Variants in FAF2 observed in about 807,000 individuals in gnomAD.
FAF2 encodes the protein FAS-associated factor 2.
Under a neutral mutation model 62.3 loss-of-function variants are expected in FAF2, and 9 were observed. That is an observed-to-expected ratio of 0.14 (90% CI 0.09 to 0.25). The LOEUF (loss-of-function observed/expected upper bound fraction) is 0.25, where lower values mean the gene tolerates loss of function less well. Ranked by LOEUF, FAF2 falls within the 10% of genes least tolerant of loss-of-function variation. The pLI, the probability that FAF2 is intolerant of heterozygous loss-of-function variation, is 1.00. For missense variants in FAF2, 368 were observed against 556.2 expected (o/e 0.66, Z 3.40); for synonymous variants, 202 against 198.0 (o/e 1.02, Z -0.17).
intron 1 of FAF2, among the ~76,000 whole-genome samples, chr5:176,471,302 A>G (rs571418966): frequency 9.2e-5 from 14 of 151,604 alleles, no homozygotes; most frequent in African/African-American, 3.4e-4. Flanking sequence ...GCATATGATC[A>G]TGTCACATGT....
chr5:176,494,388 G>A lies in FAF2; in HGVS notation c.661+113G>A, dbSNP rs553596428. 143 of 843,004 alleles carry A rather than the reference G, an allele frequency of 1.7e-4. 2 individuals are homozygous for A. Among genetic ancestry groups the A allele is most frequent in the South Asian group, 9.0e-4 (63 of 69,686 alleles). 52.2% of individuals were successfully genotyped at this position (843,004 alleles called of 1,614,324 possible). ...GTGTTTGTTCTGTGGTAGATACGACGCTAGTTGCTATTTTATATTGTCTCA... is the reference window on the plus strand; with the variant it reads ...GTGTTTGTTCTGTGGTAGATACGACACTAGTTGCTATTTTATATTGTCTCA... On this transcript the variant is annotated intron_variant, in intron 7 of 10. Coordinates refer to ENST00000261942, the MANE Select transcript of FAF2 (RefSeq NM_014613.3). The surrounding 1 kb of genome is among the most constrained non-coding windows in gnomAD (Gnocchi z 4.0).
chr5:176,494,127 T>G lies in FAF2; in HGVS notation c.569+43T>G, dbSNP rs774134227. On this transcript the variant is annotated intron_variant, in intron 6 of 10. Transcript: ENST00000261942. This position sits in a 1 kb window ranked among gnomAD's most constrained non-coding sequence, Gnocchi z 4.0. ...TTTCCTTCTCTTTTCTGACTCTTTC[T>G]GGTGACAGTTTATAGTCAGCAAGTT... 62 of 1,608,828 alleles carry G rather than the reference T, an allele frequency of 3.9e-5. No individual in the cohort carries two copies. The East Asian group carries it at 1.4e-3, about 36-fold the overall frequency.
chr5:176,460,807 C>G (rs1758365381), intron 1 of FAF2, among the ~76,000 whole-genome samples: 1 of 151,876 alleles, frequency 6.6e-6, no homozygotes, highest in Non-Finnish European at 1.5e-5. Context: ...AAAAGATTCA[C>G]CAGGCATGGC....
At chr5:176,469,035 A>G (rs1758516961) in intron 1 of FAF2, among the ~76,000 whole-genome samples, 1 of 152,134 alleles carries the variant, frequency 6.6e-6, no homozygotes. Context: ...ACCTGAGGTC[A>G]GGAGTTCGAG....
At chr5:176,482,786 G>A (rs1364511760) in intron 2 of FAF2, among the ~76,000 whole-genome samples, 2 of 152,170 alleles carry the variant, frequency 1.3e-5, no homozygotes, top group Non-Finnish European at 2.9e-5. Context: ...AAAGTGTTGG[G>A]ATTCCAGACG....
chr5:176,491,532 G>A (rs1758970137), intron 4 of FAF2, among the ~76,000 whole-genome samples: 1 of 152,192 alleles, frequency 6.6e-6, no homozygotes, highest in African/African-American at 2.4e-5. Flanking sequence ...CTATCCGTAA[G>A]TTGAATAGTT....
chr5:176,496,672 G>GC lies in FAF2; in HGVS notation c.839+9_839+10insC. On this transcript the variant is annotated intron_variant, in intron 8 of 10. Transcript: ENST00000261942. ...TCAGAACGCCTAGAAAGGTACAAGG[G>GC]AGTTCCCTTCTGGAACAGAGAGAGA... 6.5e-7 allele frequency: 1 copy of GC among 1,533,592 alleles called. No individual in the cohort carries two copies. Among genetic ancestry groups the GC allele is most frequent in the Non-Finnish European group, 8.8e-7 (1 of 1,139,916 alleles). The allele number at this position is 1,533,592 out of a possible 1,614,324, so 95.0% of individuals were successfully genotyped here. A position where few individuals can be genotyped will look rare whatever the true frequency, so the allele number is the denominator to read the frequency against.
chr5:176,476,953 G>A (rs1054252218), intron 1 of FAF2, among the ~76,000 whole-genome samples: 2 of 151,554 alleles, frequency 1.3e-5, no homozygotes, highest in African/African-American at 4.8e-5. Flanking sequence ...GGGACTACAG[G>A]CGCCCACCAC....
In FAF2 at chr5:176,484,332, G is replaced by A. The variant is rs78165306; in HGVS notation, c.133-2023G>A. Among the ~76,000 whole-genome samples, 12 of 152,270 alleles carry A rather than the reference G, an allele frequency of 7.9e-5. No homozygotes were observed. In the East Asian group the frequency reaches 2.3e-3, roughly 29 times the overall value. On this transcript the variant is annotated intron_variant, in intron 2 of 10. Coordinates refer to ENST00000261942, the MANE Select transcript of FAF2 (RefSeq NM_014613.3). ...ATTCATAAGTTTTAAAATGCATGCT[G>A]TTCTGAGAAACATGATGAAATCTCA...
chr5:176,474,689 C>A (rs1401387472), intron 1 of FAF2, among the ~76,000 whole-genome samples: 1 of 152,222 alleles, frequency 6.6e-6, no homozygotes, highest in Non-Finnish European at 1.5e-5. Context: ...GGCCCCTTAT[C>A]TTTCATTCAG....
chr5:176,466,018 C>T (rs1293230599), intron 1 of FAF2, among the ~76,000 whole-genome samples: 1 of 152,170 alleles, frequency 6.6e-6, no homozygotes, highest in Non-Finnish European at 1.5e-5. Context: ...GAATCTTTGG[C>T]TTTCTCAGTG....
chr5:176,465,976 T>G (rs1758460735), intron 1 of FAF2, among the ~76,000 whole-genome samples: 1 of 152,252 alleles, frequency 6.6e-6, no homozygotes, highest in Non-Finnish European at 1.5e-5. Context: ...TACCATTATC[T>G]AGATATTCCT....
intron 1 of FAF2, among the ~76,000 whole-genome samples, chr5:176,478,177 G>A (rs544294966): frequency 9.6e-4 from 146 of 152,226 alleles, no homozygotes; most frequent in African/African-American, 3.4e-3. Flanking sequence ...ACATCTGAAC[G>A]GAAATAGTGA....
rs147727373 is a variant in FAF2 at position 176,509,351 on chromosome 5, G to A, written c.*2401G>A. 1.4e-4 allele frequency: 22 copies of A among 152,260 alleles called. No individual in the cohort carries two copies. Among genetic ancestry groups the A allele is most frequent in the African/African-American group, 5.1e-4 (21 of 41,528 alleles). The allele number at this position is 152,260 out of a possible 1,614,324, so 9.4% of individuals were successfully genotyped here. Reference sequence around the variant, plus strand: ...CTTTTGGGATTTTGATGAGACCTGCGAGGGAGAAGACACTGAGAAGCCAGT... The same window carrying A: ...CTTTTGGGATTTTGATGAGACCTGCAAGGGAGAAGACACTGAGAAGCCAGT... On this transcript the variant is annotated 3_prime_UTR_variant, in exon 11 of 11. Coordinates refer to ENST00000261942, the MANE Select transcript of FAF2 (RefSeq NM_014613.3).
Position 176,494,251 on chromosome 5 carries a change from A to G in FAF2, c.637A>G (p.Thr213Ala), listed in dbSNP as rs751992903. Residue 213 changes from threonine (T) to alanine (A), a missense_variant, in exon 7 of 11, where the codon ACA becomes GCA. By Grantham distance (58) the Thr-to-Ala change is moderately conservative (BLOSUM62 0). This residue lies in a region of FAF2 where 331 missense variants were observed against 441.9 expected (regional missense o/e 0.75). Transcript: ENST00000261942. The surrounding 1 kb of genome is among the most constrained non-coding windows in gnomAD (Gnocchi z 4.0). ...NTRMLFWACS[T>A]NKPEGYRVSQ... ...TAGGATGCTCTTCTGGGCATGCTCT[A>G]CAAACAAACCTGAGGGATACAGGGG... is the stretch of plus-strand genomic sequence containing the variant. 6.2e-7 allele frequency: 1 copy of G among 1,613,912 alleles called. No individual in the cohort carries two copies. The highest frequency in any genetic ancestry group is 1.3e-5 in the African/African-American group (1 of 75,038).
chr5:176,457,765 T>C (rs1054509333), intron 1 of FAF2, among the ~76,000 whole-genome samples: 1 of 152,070 alleles, frequency 6.6e-6, no homozygotes, highest in Admixed American at 6.6e-5. Context: ...GCCTTGGACT[T>C]TTCCACCAAG....
chr5:176,499,877 TC>T (rs1755565708), intron 9 of FAF2, 125 bp from the exon 10 acceptor site: 1 of 1,097,584 alleles, frequency 9.1e-7, no homozygotes, highest in Middle Eastern at 3.0e-4. Context: ...TTTTGACTAT[TC>T]CTGAGAGGTT....
At chr5:176,479,352 A>G in intron 2 of FAF2, 96 bp downstream of exon 2, 1 of 978,146 alleles carries the variant, frequency 1.0e-6, no homozygotes. Flanking sequence ...TTTTCAGTAG[A>G]TTTTTTTCAG....
At position 176,487,215 on chromosome 5, in the gene FAF2, C is replaced by T. The variant is rs146833874; in HGVS notation, c.267+726C>T. ...TTTTGTTCTGTTTGAGACAGGGTCT[C>T]ACTCTGTCGCCCAGCCTGGAGTGCA... On this transcript the variant is annotated intron_variant, in intron 3 of 10. Transcript: ENST00000261942. Among the ~76,000 whole-genome samples the T allele has an allele frequency of 7.5e-3, 1,144 of 152,262 alleles. 13 individuals are homozygous for T. The highest frequency in any genetic ancestry group is 0.026 in the African/African-American group (1,060 of 41,534).
Sources: gnomAD v4.1 joint callset for allele counts (sites outside exome capture counted in the v4.1 genomes callset) on GRCh38, gnomAD v4.1.1 for gene constraint, gnomAD v4.1.1 regional missense constraint, Gnocchi (gnomAD v3.1) non-coding constraint, MANE v1.5 for transcripts, NCBI Gene and HGNC (gene_info 2026-07-23, HGNC 2026-07-21) for gene names.